The following PTK2B variants were observed in gnomAD, a reference collection of about 807,000 sequenced individuals.
PTK2B encodes the protein protein tyrosine kinase 2 beta.
A neutral mutation model predicts 142.9 loss-of-function variants in PTK2B; 71 were observed. That is an observed-to-expected ratio of 0.50 (90% CI 0.41 to 0.61). PTK2B has a LOEUF of 0.61. Among genes scored for constraint, PTK2B ranks in the 20% least tolerant of loss-of-function variants. The pLI, the probability that PTK2B is intolerant of heterozygous loss-of-function variation, is 0.00. For missense variants in PTK2B, 1,105 were observed against 1,320.4 expected, an observed-to-expected ratio of 0.84 and a Z score of 2.53; for synonymous variants, 519 against 503.4, an observed-to-expected ratio of 1.03 and a Z score of -0.42.
At chr8:27,364,585 G>A (rs1463157625) in intron 1 of PTK2B, among the ~76,000 whole-genome samples, 1 of 152,092 alleles carries the variant, frequency 6.6e-6, no homozygotes, top group Non-Finnish European at 1.5e-5. Context: ...AGTACTGCAG[G>A]GACTGAACAG....
At chr8:27,387,832 T>A (rs1031878640) in intron 1 of PTK2B, among the ~76,000 whole-genome samples, 6 of 143,096 alleles carry the variant, frequency 4.2e-5, no homozygotes, top group South Asian at 4.4e-4. Flanking sequence ...TTTTTTTTTT[T>A]AAATCTACAT....
intron 2 of PTK2B, among the ~76,000 whole-genome samples, chr8:27,404,148 T>C (rs529466508): frequency 6.6e-6 from 1 of 152,210 alleles, no homozygotes; most frequent in Admixed American, 6.5e-5. Context: ...ATGGTCACCT[T>C]CGTCTAAGGC....
chr8:27,457,520 C>T (rs956758647), intron 30 of PTK2B, among the ~76,000 whole-genome samples: 2 of 152,214 alleles, frequency 1.3e-5, no homozygotes, highest in African/African-American at 4.8e-5. Context: ...AATGATTTCT[C>T]TTATGGATCT....
At chr8:27,426,761 G>C (rs984317760) in intron 5 of PTK2B, among the ~76,000 whole-genome samples, 1 of 152,128 alleles carries the variant, frequency 6.6e-6, no homozygotes, top group Admixed American at 6.5e-5. Context: ...CAGGAGATTG[G>C]GGTGACCTTG....
chr8:27,360,359 GA>G (rs1805627408), intron 1 of PTK2B, among the ~76,000 whole-genome samples: 1 of 152,250 alleles, frequency 6.6e-6, no homozygotes, highest in Non-Finnish European at 1.5e-5. Context: ...AAGCGCCGCA[GA>G]GAAGGAAAGT....
At chr8:27,331,932 G>A (rs1269424961) in intron 1 of PTK2B, among the ~76,000 whole-genome samples, 1 of 152,150 alleles carries the variant, frequency 6.6e-6, no homozygotes, top group Non-Finnish European at 1.5e-5. Flanking sequence ...CATGTACCCA[G>A]TCCCCGCCCC....
rs777171704 is a variant in PTK2B at position 27,433,545 on chromosome 8, T to C, written c.1098T>C (p.Pro366=). 1.9e-5 allele frequency: 31 copies of C among 1,613,210 alleles called. No individual in the cohort carries two copies. The East Asian group carries it at 6.5e-4, about 34-fold the overall frequency. The change falls in exon 11 of 31, where the codon CCT becomes CCC. Residue 366 remains proline, a synonymous_variant. Transcript: ENST00000346049. ...ACCAAGGCTCTCTCATCATCCATCC[T>C]AGGAAAGGTGGGTTCCATTTAAAGG... ...GEHQGSLIIH[P]RKDGEKRNSL...
At position 27,430,515 on chromosome 8, in the gene PTK2B, G is replaced by T. The variant is rs963571322; in HGVS notation, c.669+97G>T. On this transcript the variant is annotated intron_variant, in intron 7 of 30. Transcript: ENST00000346049. ...GCTGGGGATACTCAGAGAAGCCAGGGTATCTGCGCGGCCTCGGGCATTTGG... is the reference window on the plus strand; with the variant it reads ...GCTGGGGATACTCAGAGAAGCCAGGTTATCTGCGCGGCCTCGGGCATTTGG... 3.3e-6 allele frequency: 5 copies of T among 1,514,076 alleles called. No homozygotes were observed. The African/African-American group carries it at 5.5e-5, about 17-fold the overall frequency. 93.8% of individuals were successfully genotyped at this position (1,514,076 alleles called of 1,614,324 possible).
chr8:27,389,633 G>A (rs552800196), intron 1 of PTK2B, among the ~76,000 whole-genome samples: 1 of 152,336 alleles, frequency 6.6e-6, no homozygotes, highest in South Asian at 2.1e-4. Context: ...TGCGGGGGTG[G>A]GGAGCTGAAA....
intron 2 of PTK2B, among the ~76,000 whole-genome samples, chr8:27,412,181 A>AT (rs1809106869): frequency 6.6e-6 from 1 of 151,966 alleles, no homozygotes; most frequent in Non-Finnish European, 1.5e-5. Flanking sequence ...TGATTGATTG[A>AT]TGGAATCACT....
chr8:27,425,791 C>T lies in PTK2B; in HGVS notation c.551+3408C>T, dbSNP rs1236369175. Among the ~76,000 whole-genome samples the T allele has an allele frequency of 2.0e-5, 3 of 152,238 alleles. No homozygotes were observed. In the East Asian group the frequency reaches 5.8e-4, roughly 29 times the overall value. The stretch of plus-strand genomic sequence containing the variant: ...ACTCCACCTATCCATCCCTCCTTCC[C>T]TCTAACCCTGGCAACCATTGATCAC... On this transcript the variant is annotated intron_variant, in intron 5 of 30. Coordinates refer to ENST00000346049, the MANE Select transcript of PTK2B (RefSeq NM_173176.3).
At chr8:27,345,011 A>G (rs966523318) in intron 1 of PTK2B, among the ~76,000 whole-genome samples, 14 of 152,290 alleles carry the variant, frequency 9.2e-5, no homozygotes, top group African/African-American at 3.4e-4. Context: ...AAAAATATAA[A>G]AATTAGCCAG....
At chr8:27,374,811 G>T (rs1198868659) in intron 1 of PTK2B, among the ~76,000 whole-genome samples, 1 of 152,220 alleles carries the variant, frequency 6.6e-6, no homozygotes, top group Non-Finnish European at 1.5e-5. Flanking sequence ...AGAAAACGTG[G>T]TTATTACAAA....
chr8:27,311,257 C>T, upstream of PTK2B: 4 of 1,481,368 alleles, frequency 2.7e-6, no homozygotes, highest in Non-Finnish European at 3.6e-6. Flanking sequence ...CCGGCTCGGG[C>T]GCCCGGAACT....
intron 21 of PTK2B, among the ~76,000 whole-genome samples, chr8:27,442,387 G>A (rs188380395): frequency 2.6e-5 from 4 of 152,254 alleles, no homozygotes; most frequent in Non-Finnish European, 2.9e-5. Context: ...GGTGAGAGGC[G>A]CGCACATGGC....
chr8:27,415,728 A>C (rs2131737747), intron 2 of PTK2B, among the ~76,000 whole-genome samples: 1 of 152,364 alleles, frequency 6.6e-6, no homozygotes, highest in African/African-American at 2.4e-5. Flanking sequence ...AGATTAGCAG[A>C]AAATCATGGA....
chr8:27,438,949 T>C, intron 18 of PTK2B, 82 bp from the exon 19 acceptor site: 1 of 1,304,430 alleles, frequency 7.7e-7, no homozygotes, highest in South Asian at 1.2e-5. Flanking sequence ...GGTCTCTTTT[T>C]CCATCTGTCT....
rs1265805011 is a variant in PTK2B at position 27,341,881 on chromosome 8, G to T, written c.-38+16200G>T. ...TGTAGAGATGGAGTCTTGCTCTGTTGCCCAGGCTGGTCTTGAACCCCTGGG... is the reference window on the plus strand; with the variant it reads ...TGTAGAGATGGAGTCTTGCTCTGTTTCCCAGGCTGGTCTTGAACCCCTGGG... On this transcript the variant is annotated intron_variant, in intron 1 of 30. Coordinates refer to ENST00000346049, the MANE Select transcript of PTK2B (RefSeq NM_173176.3). Among the ~76,000 whole-genome samples the T allele has an allele frequency of 2.6e-5, 4 of 152,046 alleles. No homozygotes were observed. The East Asian group carries it at 7.7e-4, about 29-fold the overall frequency.
At chr8:27,455,390 C>G (rs924049766) in intron 30 of PTK2B, among the ~76,000 whole-genome samples, 1 of 152,116 alleles carries the variant, frequency 6.6e-6, no homozygotes, top group African/African-American at 2.4e-5. Flanking sequence ...ATGGCAAAAC[C>G]ATACAAAAAT....
Sources: gnomAD v4.1 joint callset for allele counts (sites outside exome capture counted in the v4.1 genomes callset) on GRCh38, gnomAD v4.1.1 for gene constraint, MANE v1.5 for transcripts, NCBI Gene and HGNC (gene_info 2026-07-23, HGNC 2026-07-21) for gene names.